The following PDSS2 variants were observed in gnomAD, a reference collection of about 807,000 sequenced individuals.
The protein encoded by PDSS2 is all trans-polyprenyl-diphosphate synthase PDSS2.
A neutral mutation model predicts 44.5 loss-of-function variants in PDSS2; 31 were observed. The ratio of observed to expected loss-of-function variants is 0.70; its 90% CI spans 0.52 to 0.94. The LOEUF (loss-of-function observed/expected upper bound fraction) is 0.94. Among genes scored for constraint, PDSS2 ranks in the 40% least tolerant of loss-of-function variants. The pLI is 0.00. For synonymous variants in PDSS2, 157 were observed against 180.3 expected, an observed-to-expected ratio of 0.87 and a Z score of 1.03; for missense variants, 452 against 482.2, an observed-to-expected ratio of 0.94 and a Z score of 0.59.
chr6:107,390,837 C>T (rs1469448569), intron 1 of PDSS2, among the ~76,000 whole-genome samples: 1 of 152,104 alleles, frequency 6.6e-6, no homozygotes, highest in Non-Finnish European at 1.5e-5. Context: ...ACATTATGCT[C>T]ATCTGATGTA....
At chr6:107,303,107 C>T (rs1170001444) in intron 2 of PDSS2, among the ~76,000 whole-genome samples, 1 of 152,074 alleles carries the variant, frequency 6.6e-6, no homozygotes, top group Non-Finnish European at 1.5e-5. Flanking sequence ...GAGGGGTTGG[C>T]ATATGGTGAG....
intron 2 of PDSS2, among the ~76,000 whole-genome samples, chr6:107,304,040 C>G (rs1316839986): frequency 6.6e-6 from 1 of 152,238 alleles, no homozygotes; most frequent in Non-Finnish European, 1.5e-5. Flanking sequence ...GCCCTGACAT[C>G]AGCCCAGACT....
chr6:107,336,608 A>G (rs1777900304), intron 1 of PDSS2, among the ~76,000 whole-genome samples: 1 of 152,152 alleles, frequency 6.6e-6, no homozygotes, highest in African/African-American at 2.4e-5. Flanking sequence ...CCTGAATTTT[A>G]CGGCGGTTAA....
At chr6:107,285,512 A>G (rs1776110847) in intron 2 of PDSS2, among the ~76,000 whole-genome samples, 1 of 152,184 alleles carries the variant, frequency 6.6e-6, no homozygotes, top group Non-Finnish European at 1.5e-5. Context: ...AGGAAAAAAA[A>G]GTATGATATC....
intron 2 of PDSS2, among the ~76,000 whole-genome samples, chr6:107,277,650 G>A (rs1461175000): frequency 6.6e-6 from 1 of 152,056 alleles, no homozygotes; most frequent in Admixed American, 6.6e-5. Context: ...GACATGGAGA[G>A]AAATAAATAT....
chr6:107,369,669 A>C (rs745478489), intron 1 of PDSS2, among the ~76,000 whole-genome samples: 13 of 152,210 alleles, frequency 8.5e-5, no homozygotes, highest in Non-Finnish European at 1.2e-4. Flanking sequence ...GCTCCTACTC[A>C]CTAGGTGCCA....
At chr6:107,179,393 G>T (rs997086918) in intron 7 of PDSS2, among the ~76,000 whole-genome samples, 4 of 151,868 alleles carry the variant, frequency 2.6e-5, no homozygotes, top group Non-Finnish European at 4.4e-5. Flanking sequence ...CGATTCTCCT[G>T]CCTCTGCCTC....
rs117761361 is a variant in PDSS2, at chr6:107,192,086, G to T, written c.1041+1736C>A. Among the ~76,000 whole-genome samples the T allele has an allele frequency of 8.4e-3, 1,284 of 152,288 alleles. 63 individuals are homozygous for T. The East Asian group carries it at 0.15, about 18-fold the overall frequency. On this transcript the variant is annotated intron_variant, in intron 7 of 7. Transcript: ENST00000369037. ...TTAAACAACAGCAACAGAAAGGCCA[G>T]AGATGTCAGAAAAGATGTTTAGTTT...
chr6:107,162,610 A>ATTTTTTT (rs71012782), intron 7 of PDSS2, among the ~76,000 whole-genome samples: 4 of 115,552 alleles, frequency 3.5e-5, no homozygotes, highest in Admixed American at 9.4e-5. Flanking sequence ...GAATTCCCTA[A>ATTTTTTT]TTTTTTTTTT....
At chr6:107,424,034 ATCT>A in intron 1 of PDSS2, among the ~76,000 whole-genome samples, 1 of 45,340 alleles carries the variant, frequency 2.2e-5, no homozygotes, top group Non-Finnish European at 4.7e-5. Flanking sequence ...TTTATCTTGC[ATCT>A]TTTTTTTTTT....
chr6:107,238,574 C>T (rs1245797589), intron 4 of PDSS2, among the ~76,000 whole-genome samples: 1 of 152,136 alleles, frequency 6.6e-6, no homozygotes, highest in Non-Finnish European at 1.5e-5. Context: ...TTGTCTACCA[C>T]GGAGATTTAC....
intron 7 of PDSS2, among the ~76,000 whole-genome samples, chr6:107,164,035 CT>C: frequency 6.6e-6 from 1 of 152,016 alleles, no homozygotes; most frequent in Non-Finnish European, 1.5e-5. Context: ...GAGATAGAGT[CT>C]ATCAGGACTG....
intron 2 of PDSS2, among the ~76,000 whole-genome samples, chr6:107,299,885 G>A (rs1199347632): frequency 1.3e-5 from 2 of 152,098 alleles, no homozygotes; most frequent in African/African-American, 2.4e-5. Context: ...GATGGGGGTG[G>A]AGTTCAAGAT....
intron 1 of PDSS2, among the ~76,000 whole-genome samples, chr6:107,417,059 G>A (rs967702340): frequency 4.0e-5 from 6 of 151,798 alleles, no homozygotes; most frequent in East Asian, 3.9e-4. Flanking sequence ...CGAGACCCCC[G>A]TCTCTATTTA....
chr6:107,313,473 C>A lies in PDSS2; in HGVS notation c.431+20725G>T, dbSNP rs150993793. Among the ~76,000 whole-genome samples the A allele has an allele frequency of 5.7e-3, 863 of 152,226 alleles. 12 individuals carry two copies. The highest frequency in any genetic ancestry group is 0.038 in the East Asian group (194 of 5,170). On this transcript the variant is annotated intron_variant, in intron 2 of 7. Transcript: ENST00000369037. ...ATTCAAGCAATTCTCCTGCCTCAGC[C>A]TCCTGAGTAGCTGGGACTACAGGCA...
At position 107,288,732 on chromosome 6, in the gene PDSS2, T is replaced by C. The variant is rs931899752; in HGVS notation, c.432-14505A>G. The stretch of plus-strand genomic sequence containing the variant: ...GTCATTAAGGAGGGGCTGGACAATA[T>C]GAAGATGCCGGGACGAAATTGTTTT... On this transcript the variant is annotated intron_variant, in intron 2 of 7. Coordinates refer to ENST00000369037, the MANE Select transcript of PDSS2 (RefSeq NM_020381.4). Among the ~76,000 whole-genome samples the C allele has an allele frequency of 2.7e-5, 4 of 148,158 alleles. No homozygotes were observed. In the South Asian group the frequency reaches 8.6e-4, roughly 32 times the overall value.
intron 2 of PDSS2, among the ~76,000 whole-genome samples, chr6:107,331,559 G>T (rs1424100924): frequency 6.6e-6 from 1 of 152,134 alleles, no homozygotes; most frequent in Admixed American, 6.5e-5. Context: ...TTTCCTAGAG[G>T]CTAGACAAGA....
intron 4 of PDSS2, 144 bp downstream of exon 4, chr6:107,245,404 G>T: frequency 1.9e-6 from 1 of 518,850 alleles, no homozygotes; most frequent in South Asian, 2.3e-5. Context: ...TGAATTTGTA[G>T]CCAAAACACT....
At chr6:107,302,982 C>G (rs2500590) in intron 2 of PDSS2, among the ~76,000 whole-genome samples, 107,039 of 152,042 alleles carry the variant, frequency 0.7, 39,335 homozygotes, top group Non-Finnish European at 0.8. Flanking sequence ...TGGCTACTAG[C>G]AGATTAAAAT....
Sources: allele counts gnomAD v4.1 joint callset (sites outside exome capture counted in the v4.1 genomes callset), GRCh38; gene constraint gnomAD v4.1.1; transcripts MANE v1.5; gene names NCBI Gene and HGNC (gene_info 2026-07-23, HGNC 2026-07-21).